The following PARD3B variants were observed in gnomAD, a reference collection of about 807,000 sequenced individuals.
PARD3B encodes par-3 family cell polarity regulator beta.
A neutral mutation model predicts 130.2 loss-of-function variants in PARD3B; 103 were observed. That is an observed-to-expected ratio of 0.79 (90% CI 0.67 to 0.93). PARD3B has a LOEUF of 0.93. PARD3B is among the 40% of genes least tolerant of loss of function. The probability of loss-of-function intolerance (pLI) is 0.00; values close to 1 mark genes in which losing one functional copy is unlikely to be tolerated. For missense variants in PARD3B, 1,609 were observed against 1,499.2 expected (o/e 1.07, Z -1.21); for synonymous variants, 583 against 553.2 (o/e 1.05, Z -0.76).
intron 20 of PARD3B, among the ~76,000 whole-genome samples, chr2:205,454,041 A>G (rs1053387367): frequency 1.3e-5 from 2 of 152,116 alleles, no homozygotes; most frequent in African/African-American, 4.8e-5. Context: ...CATTAAAAAA[A>G]TTATATGTAT....
At chr2:204,845,057 AC>A (rs1201582132) in intron 2 of PARD3B, among the ~76,000 whole-genome samples, 1 of 152,174 alleles carries the variant, frequency 6.6e-6, no homozygotes, top group African/African-American at 2.4e-5. Flanking sequence ...TGTATCCTGC[AC>A]GCTGAGGATT....
chr2:205,112,572 A>G (rs1703720936), intron 5 of PARD3B, among the ~76,000 whole-genome samples: 1 of 152,092 alleles, frequency 6.6e-6, no homozygotes, highest in Non-Finnish European at 1.5e-5. Context: ...TACAATTTCC[A>G]TAACGTGGAT....
chr2:205,480,407 T>C (rs1049120037), intron 20 of PARD3B, among the ~76,000 whole-genome samples: 6 of 152,186 alleles, frequency 3.9e-5, no homozygotes, highest in Non-Finnish European at 5.9e-5. Flanking sequence ...TCTCATCATA[T>C]TGTATTTTAA....
intron 12 of PARD3B, among the ~76,000 whole-genome samples, chr2:205,174,229 T>G (rs1471956876): frequency 6.6e-6 from 1 of 152,204 alleles, no homozygotes; most frequent in Non-Finnish European, 1.5e-5. Context: ...AGTATGAAAC[T>G]CTCATTTGTT....
intron 2 of PARD3B, among the ~76,000 whole-genome samples, chr2:204,825,464 ATT>A (rs2043531621): frequency 2.0e-5 from 3 of 152,146 alleles, no homozygotes; most frequent in Admixed American, 2.0e-4. Context: ...ATTCATATGT[ATT>A]TGTGCCTTGG....
At chr2:205,364,289 C>G (rs1179025377) in intron 18 of PARD3B, among the ~76,000 whole-genome samples, 1 of 152,172 alleles carries the variant, frequency 6.6e-6, no homozygotes, top group Non-Finnish European at 1.5e-5. Context: ...TCCTAGAGAA[C>G]CACTCATTTT....
intron 21 of PARD3B, among the ~76,000 whole-genome samples, chr2:205,523,217 GTGTGTGTGTATATA>G (rs973902820): frequency 5.1e-5 from 3 of 58,542 alleles, no homozygotes; most frequent in African/African-American, 5.2e-5. Context: ...ATATGTGTGT[GTGTGTGTGTATATA>G]TATATATATA....
chr2:205,601,322 A>G (rs2054777891), intron 22 of PARD3B, among the ~76,000 whole-genome samples: 1 of 152,162 alleles, frequency 6.6e-6, no homozygotes. Context: ...GTGTCTGTTC[A>G]TGTCCTTCCC....
chr2:205,008,281 A>G (rs1695439608), intron 3 of PARD3B, among the ~76,000 whole-genome samples: 1 of 111,258 alleles, frequency 9.0e-6, no homozygotes, highest in Admixed American at 1.2e-4. Context: ...TTTTACAGGC[A>G]CAAATAATCT....
At chr2:204,643,113 C>CAAAAAAAAAAAAAAAAAAAAA (rs1252171157) in intron 1 of PARD3B, among the ~76,000 whole-genome samples, 1 of 4,306 alleles carries the variant, frequency 2.3e-4, no homozygotes, top group Non-Finnish European at 8.1e-4. Context: ...GACTCTGTCT[C>CAAAAAAAAAAAAAAAAAAAAA]ACAAAAAAAA....
At chr2:204,771,504 G>C (rs1266439046) in intron 2 of PARD3B, among the ~76,000 whole-genome samples, 1 of 152,006 alleles carries the variant, frequency 6.6e-6, no homozygotes, top group African/African-American at 2.4e-5. Context: ...GGCAACAATA[G>C]ACACTAAGGA....
chr2:205,052,988 G>A (rs1286487882), intron 4 of PARD3B, among the ~76,000 whole-genome samples: 1 of 152,088 alleles, frequency 6.6e-6, no homozygotes, highest in African/African-American at 2.4e-5. Context: ...AGACAAGAAG[G>A]GAAAATACAG....
intron 18 of PARD3B, among the ~76,000 whole-genome samples, chr2:205,378,635 CTTTTTTTTTT>C (rs559839181): frequency 2.2e-5 from 3 of 137,128 alleles, no homozygotes; most frequent in Admixed American, 1.5e-4. Flanking sequence ...ATTTTTTTTT[CTTTTTTTTTT>C]TTTTTGAGAC....
chr2:205,207,698 A>G (rs1176431710), intron 15 of PARD3B, among the ~76,000 whole-genome samples: 1 of 137,516 alleles, frequency 7.3e-6, no homozygotes, highest in Non-Finnish European at 1.5e-5. Context: ...TAGACCAATA[A>G]CAGGAGCTGA....
At chr2:204,628,507 T>C (rs1029572915) in intron 1 of PARD3B, among the ~76,000 whole-genome samples, 2 of 152,164 alleles carry the variant, frequency 1.3e-5, no homozygotes, top group Admixed American at 6.5e-5. Context: ...TTATTTTCTT[T>C]TCCTGCAACA....
chr2:205,367,196 TC>T (rs1453007470), intron 18 of PARD3B, among the ~76,000 whole-genome samples: 1 of 152,238 alleles, frequency 6.6e-6, no homozygotes, highest in Non-Finnish European at 1.5e-5. Context: ...TGTAAATTAA[TC>T]ATTTAGGACA....
intron 18 of PARD3B, among the ~76,000 whole-genome samples, chr2:205,381,120 A>T (rs2045414496): frequency 1.0e-5 from 1 of 96,550 alleles, no homozygotes; most frequent in Admixed American, 1.7e-4. Flanking sequence ...TATATATTAT[A>T]TATATTATAT....
intron 18 of PARD3B, among the ~76,000 whole-genome samples, chr2:205,362,570 T>C (rs969776091): frequency 6.6e-6 from 1 of 152,186 alleles, no homozygotes; most frequent in African/African-American, 2.4e-5. Flanking sequence ...AATTTGGAAA[T>C]GTGTAATCTC....
Position 205,380,321 on chromosome 2 carries a change from T to A in PARD3B, c.2631-20692T>A, listed in dbSNP as rs1393027061. 2.2e-4 allele frequency among the ~76,000 whole-genome samples: 4 copies of A among 18,598 alleles called. 1 individual carries two copies. The highest frequency in any genetic ancestry group is 7.4e-4 in the African/African-American group (4 of 5,388). The allele number at this position is 18,598 out of a possible 152,430, so 12.2% of individuals were successfully genotyped here. On this transcript the variant is annotated intron_variant, in intron 18 of 22. Transcript: ENST00000406610. Reference sequence around the variant, plus strand: ...TTATATATTATATAAAGAATATATATTATATATAATATATAAAGAATATAT... The same window carrying A: ...TTATATATTATATAAAGAATATATAATATATATAATATATAAAGAATATAT...
Sources: allele counts gnomAD v4.1 joint callset (sites outside exome capture counted in the v4.1 genomes callset), GRCh38; gene constraint gnomAD v4.1.1; transcripts MANE v1.5; gene names NCBI Gene and HGNC (gene_info 2026-07-23, HGNC 2026-07-21).